Variants in SLC7A9 observed in about 807,000 individuals in gnomAD.
SLC7A9 encodes the protein solute carrier family 7 member 9.
SLC7A9 carries 38 observed loss-of-function variants against 54.1 expected under a neutral mutation model. The observed-to-expected ratio is 0.70, with a 90% CI of 0.54 to 0.92. SLC7A9 has a LOEUF of 0.92. Ranked by LOEUF, SLC7A9 falls within the 40% of genes least tolerant of loss-of-function variation. SLC7A9 has a pLI of 0.00. For missense variants in SLC7A9, 537 were observed against 636.1 expected (o/e 0.84, Z 1.68); for synonymous variants, 264 against 258.9 (o/e 1.02, Z -0.19).
At chr19:32,835,932 TG>T (rs2145798475) in intron 11 of SLC7A9, among the ~76,000 whole-genome samples, 1 of 151,460 alleles carries the variant, frequency 6.6e-6, no homozygotes, top group Admixed American at 6.6e-5. Context: ...TGTGTGTGTG[TG>T]TGTCCGAGTC....
chr19:32,849,308 A>G (rs1968394829), intron 9 of SLC7A9, among the ~76,000 whole-genome samples: 1 of 152,136 alleles, frequency 6.6e-6, no homozygotes, highest in Admixed American at 6.6e-5. Context: ...AAGAAAAGAG[A>G]TAAGAATCAA....
Position 32,860,015 on chromosome 19 carries a change from G to C in SLC7A9, c.750-51C>G, listed in dbSNP as rs746280246. 3 of 1,613,738 alleles carry C rather than the reference G, an allele frequency of 1.9e-6. No homozygotes were observed. In the South Asian group the frequency reaches 3.3e-5, roughly 18 times the overall value. On this transcript the variant is annotated intron_variant, in intron 7 of 12. Transcript: ENST00000023064. The stretch of plus-strand genomic sequence containing the variant: ...CCACGTTCAGACCACAGCCTCCCGC[G>C]GAAGATGGACGCCCTCCCTGAGGCC...
chr19:32,853,510 CT>C (rs34971896), intron 9 of SLC7A9, among the ~76,000 whole-genome samples: 69,237 of 151,898 alleles, frequency 0.46, 16,714 homozygotes, highest in East Asian at 0.72. Context: ...AATTAAGCAA[CT>C]TTTTTTTAAC....
chr19:32,868,232 A>G (rs1199379210), intron 2 of SLC7A9, among the ~76,000 whole-genome samples: 1 of 111,232 alleles, frequency 9.0e-6, no homozygotes, highest in Admixed American at 8.3e-5. Flanking sequence ...CTCCATCTCA[A>G]AAAAAAAAAA....
At chr19:32,860,234 ACT>A in intron 7 of SLC7A9, 1 of 1,414,428 alleles carries the variant, frequency 7.1e-7, no homozygotes, top group Non-Finnish European at 9.2e-7. Flanking sequence ...ACCAAACCAA[ACT>A]CTAAGCGTGC....
intron 6 of SLC7A9, 48 bp from the exon 7 acceptor site, chr19:32,860,698 C>T (rs911728155): frequency 9.3e-6 from 15 of 1,611,340 alleles, no homozygotes; most frequent in Admixed American, 6.7e-5. Flanking sequence ...CTTTCTTTTT[C>T]GATAATGAAA....
chr19:32,862,124 T>C lies in SLC7A9; in HGVS notation c.698A>G (p.Asp233Gly), dbSNP rs1968815987. The change falls in exon 6 of 13, where the codon GAT becomes GGT. Residue 233 changes from aspartate (D) to glycine (G), a missense_variant. Asp to Gly is a moderately conservative substitution (Grantham distance 94). Coordinates refer to ENST00000023064, the MANE Select transcript of SLC7A9 (RefSeq NM_014270.5). ...ACATCTCAGGACACCTCACCATCCA[T>C]CATAGGCCCAGAGTCCATTGTAAAA... is the stretch of plus-strand genomic sequence containing the variant. ...LAFYNGLWAY[D>G]GWNQLNYITE... is the part of the protein sequence containing the mutation. The C allele has an allele frequency of 6.2e-7, 1 of 1,608,956 alleles. No homozygotes were observed. The highest frequency in any genetic ancestry group is 2.2e-5 in the East Asian group (1 of 44,856).
chr19:32,843,388 C>G (rs568714876), intron 10 of SLC7A9, among the ~76,000 whole-genome samples: 1 of 151,996 alleles, frequency 6.6e-6, no homozygotes, highest in Admixed American at 6.6e-5. Context: ...ACCTGGGAGG[C>G]GGAGGATGCA....
At chr19:32,839,771 T>C (rs1968078331) in intron 11 of SLC7A9, among the ~76,000 whole-genome samples, 1 of 152,134 alleles carries the variant, frequency 6.6e-6, no homozygotes, top group Non-Finnish European at 1.5e-5. Flanking sequence ...CTTTCCTTTA[T>C]AAGTGAATTG....
intron 11 of SLC7A9, among the ~76,000 whole-genome samples, chr19:32,839,385 T>C (rs1323670777): frequency 6.6e-6 from 1 of 151,930 alleles, no homozygotes; most frequent in East Asian, 1.9e-4. Context: ...AAACCCTGTC[T>C]CTACTAAAAA....
intron 11 of SLC7A9, among the ~76,000 whole-genome samples, chr19:32,839,303 C>T (rs113423424): frequency 6.6e-6 from 1 of 152,092 alleles, no homozygotes; most frequent in African/African-American, 2.4e-5. Context: ...ACCTGTAATC[C>T]CAGCACTTTG....
chr19:32,859,811 C>A, intron 8 of SLC7A9, 30 bp downstream of exon 8: 2 of 1,578,970 alleles, frequency 1.3e-6, no homozygotes, highest in Non-Finnish European at 1.7e-6. Flanking sequence ...AAGCCACAGC[C>A]CCCGCCAGCA....
chr19:32,830,706 A>G, intron 12 of SLC7A9, 22 bp from the exon 13 acceptor site: 1 of 1,596,558 alleles, frequency 6.3e-7, no homozygotes, highest in Non-Finnish European at 8.6e-7. Context: ...GTCAAAAATG[A>G]GTACAGTTAG....
At chr19:32,862,002 CAG>C (rs1968812936) in intron 6 of SLC7A9, 114 bp downstream of exon 6, 1 of 782,624 alleles carries the variant, frequency 1.3e-6, no homozygotes. Flanking sequence ...GGGTGAATGT[CAG>C]AGTCACACCA....
chr19:32,857,167 G>A (rs1968652597), intron 9 of SLC7A9, among the ~76,000 whole-genome samples: 1 of 151,764 alleles, frequency 6.6e-6, no homozygotes, highest in Non-Finnish European at 1.5e-5. Context: ...ATATAAGGCT[G>A]GGCACGATAG....
chr19:32,865,174 T>G (rs1968931473), intron 2 of SLC7A9, among the ~76,000 whole-genome samples: 1 of 152,124 alleles, frequency 6.6e-6, no homozygotes, highest in Non-Finnish European at 1.5e-5. Flanking sequence ...AGAAAGGCCC[T>G]CGGGATACGC....
At chr19:32,852,906 T>A (rs1195028370) in intron 9 of SLC7A9, among the ~76,000 whole-genome samples, 1 of 28,368 alleles carries the variant, frequency 3.5e-5, no homozygotes, top group Non-Finnish European at 6.3e-5. Context: ...AGCTATAAAC[T>A]TTTTTTTTTT....
At position 32,861,604 on chromosome 19, in the gene SLC7A9, G is replaced by A. The variant is rs140442864; in HGVS notation, c.704+514C>T. ...AGGAGAGAGAATTGCTTGAGTGTAG[G>A]AGTTTGAGAGCAGCTTGGGCAACAC... On this transcript the variant is annotated intron_variant, in intron 6 of 12. Transcript: ENST00000023064. Among the ~76,000 whole-genome samples the A allele has an allele frequency of 5.3e-5, 8 of 152,276 alleles. No homozygotes were observed. In the East Asian group the frequency reaches 1.5e-3, roughly 29 times the overall value.
At chr19:32,867,941 A>G (rs1301707922) in intron 2 of SLC7A9, among the ~76,000 whole-genome samples, 2 of 146,252 alleles carry the variant, frequency 1.4e-5, no homozygotes, top group African/African-American at 5.3e-5. Flanking sequence ...AAAAAAAAAA[A>G]AAAAAAAAAA....
Sources: allele counts gnomAD v4.1 joint callset (sites outside exome capture counted in the v4.1 genomes callset), GRCh38; gene constraint gnomAD v4.1.1; transcripts MANE v1.5; gene names NCBI Gene and HGNC (gene_info 2026-07-23, HGNC 2026-07-21).